Variants in VAMP7 observed in about 807,000 individuals in gnomAD.
VAMP7 encodes the protein vesicle-associated membrane protein 7.
In VAMP7, 14 loss-of-function variants were observed where a neutral mutation model predicts 29.6. That is an observed-to-expected ratio of 0.47 (90% CI 0.31 to 0.74). The LOEUF is 0.74. Among genes scored for constraint, VAMP7 ranks in the 30% least tolerant of loss-of-function variants. The pLI is 0.05. For missense variants in VAMP7, 223 were observed against 262.4 expected (o/e 0.85, Z 1.04); for synonymous variants, 95 against 88.1 (o/e 1.08, Z -0.44).
chrX:155,898,207 T>C lies in VAMP7; in HGVS notation c.300T>C (p.Tyr100=). The part of the protein sequence containing the change: ...YGSRAQTALP[Y]AMNSEFSSVL... ...CAAGAGCACAGACAGCACTTCCATA[T>C]GCCATGAATAGCGAGTTCTCAAGTG... is the stretch of plus-strand genomic sequence containing the variant. Residue 100 remains tyrosine (Y), a synonymous_variant, in exon 4 of 8, where the codon TAT becomes TAC. Coordinates refer to ENST00000286448, the MANE Select transcript of VAMP7 (RefSeq NM_005638.6). 6.2e-7 allele frequency: 1 copy of C among 1,613,646 alleles called. No homozygotes were observed. The highest frequency in any genetic ancestry group is 1.7e-5 in the Admixed American group (1 of 59,980).
intron 6 of VAMP7, among the ~76,000 whole-genome samples, chrX:155,938,486 G>T (rs1405143421): frequency 1.3e-5 from 2 of 152,126 alleles, no homozygotes; most frequent in Non-Finnish European, 2.9e-5. Flanking sequence ...TGCATCAACT[G>T]TAAGCATACA....
At chrX:155,909,310 G>A (rs2066199411) in intron 5 of VAMP7, among the ~76,000 whole-genome samples, 1 of 152,098 alleles carries the variant, frequency 6.6e-6, no homozygotes, top group South Asian at 2.1e-4. Flanking sequence ...CATTTTGTAA[G>A]TTTGGTGGTG....
At chrX:155,881,825 C>T (rs1420034629) in intron 1 of VAMP7, among the ~76,000 whole-genome samples, 7 of 151,806 alleles carry the variant, frequency 4.6e-5, no homozygotes, top group Non-Finnish European at 1.0e-4. Flanking sequence ...GCTTCACCTT[C>T]TACTTCTGGC....
At chrX:155,933,426 T>A (rs1167583489) in intron 6 of VAMP7, among the ~76,000 whole-genome samples, 1 of 152,202 alleles carries the variant, frequency 6.6e-6, no homozygotes, top group East Asian at 1.9e-4. Context: ...CCTGGTTTAG[T>A]CTTGGGAGGG....
chrX:155,919,924 G>A (rs1569446240), intron 6 of VAMP7, 44 bp downstream of exon 6: 1 of 1,440,804 alleles, frequency 6.9e-7, no homozygotes, highest in Non-Finnish European at 9.7e-7. Context: ...GTAAAGTGGA[G>A]AAACTATGGA....
chrX:155,897,612 T>G (rs1379688773), intron 3 of VAMP7, among the ~76,000 whole-genome samples: 2 of 152,254 alleles, frequency 1.3e-5, no homozygotes, highest in South Asian at 2.1e-4. Context: ...ACACACATAC[T>G]TTTTGGCTGG....
chrX:155,904,168 A>G (rs982287828), intron 5 of VAMP7, among the ~76,000 whole-genome samples: 239 of 136,480 alleles, frequency 1.8e-3, no homozygotes, highest in Non-Finnish European at 2.6e-3. Flanking sequence ...GAACACATGG[A>G]CACAGGAAGG....
At chrX:155,938,541 A>G (rs1212232705) in intron 6 of VAMP7, among the ~76,000 whole-genome samples, 1 of 152,234 alleles carries the variant, frequency 6.6e-6, no homozygotes, top group Non-Finnish European at 1.5e-5. Flanking sequence ...TAGAACCAAC[A>G]CCCAGATTAA....
intron 2 of VAMP7, 70 bp from the exon 3 acceptor site, chrX:155,895,553 T>A: frequency 8.5e-7 from 1 of 1,178,492 alleles, no homozygotes; most frequent in Non-Finnish European, 1.3e-6. Flanking sequence ...TGCTTATACA[T>A]AGATAGAAGA....
intron 1 of VAMP7, among the ~76,000 whole-genome samples, chrX:155,886,522 G>T (rs2065867534): frequency 6.6e-6 from 1 of 152,116 alleles, no homozygotes; most frequent in African/African-American, 2.4e-5. Context: ...TGTGCTCCCT[G>T]TTCCAGGTGA....
intron 1 of VAMP7, among the ~76,000 whole-genome samples, chrX:155,884,417 G>C (rs1025222378): frequency 6.6e-6 from 1 of 152,192 alleles, no homozygotes; most frequent in Non-Finnish European, 1.5e-5. Flanking sequence ...ATGAACCACT[G>C]CGCCCAGCCA....
intron 5 of VAMP7, among the ~76,000 whole-genome samples, chrX:155,902,781 T>C (rs2066085031): frequency 6.7e-6 from 1 of 149,774 alleles, no homozygotes; most frequent in African/African-American, 2.4e-5. Flanking sequence ...CAGTATTTTA[T>C]TGAGGATTTT....
In VAMP7 at chrX:155,889,588, A is replaced by G; in HGVS notation, c.122A>G (p.Asn41Ser). The change falls in exon 2 of 8, where the codon AAC (asparagine) becomes AGC (serine). Residue 41 changes from asparagine to serine, a missense_variant. By Grantham distance (46) the Asn-to-Ser change is conservative. Transcript: ENST00000286448. ...CTGGCTAAGATACCTTCTGAAAATAACAAACTAACGTACTCACATGGCAAG... is the reference window on the plus strand; with the variant it reads ...CTGGCTAAGATACCTTCTGAAAATAGCAAACTAACGTACTCACATGGCAAG... ...QILAKIPSEN[N>S]KLTYSHGNYL... 1 of 1,613,958 alleles carries G rather than the reference A, an allele frequency of 6.2e-7. No homozygotes were observed. The highest frequency in any genetic ancestry group is 8.5e-7 in the Non-Finnish European group (1 of 1,179,864).
At chrX:155,904,510 A>C (rs935169272) in intron 5 of VAMP7, among the ~76,000 whole-genome samples, 1 of 152,256 alleles carries the variant, frequency 6.6e-6, no homozygotes. Flanking sequence ...CTATATTCAC[A>C]GAATTGTACA....
chrX:155,900,108 G>A (rs1296891292), intron 4 of VAMP7, among the ~76,000 whole-genome samples: 1 of 151,952 alleles, frequency 6.6e-6, no homozygotes, highest in Non-Finnish European at 1.5e-5. Context: ...AAGAAGTGGG[G>A]AACAATTTTG....
chrX:155,911,699 A>G (rs1199689923), intron 5 of VAMP7, among the ~76,000 whole-genome samples: 1 of 152,036 alleles, frequency 6.6e-6, no homozygotes, highest in Non-Finnish European at 1.5e-5. Flanking sequence ...AATATTTTAT[A>G]TGTTCATAAC....
intron 2 of VAMP7, among the ~76,000 whole-genome samples, chrX:155,893,586 G>C (rs1230047938): frequency 6.6e-6 from 1 of 152,120 alleles, no homozygotes; most frequent in African/African-American, 2.4e-5. Context: ...TGAGGTGCCC[G>C]CTAATTCAGT....
rs747514814 is a variant in VAMP7, at chrX:155,903,407, A to G, written c.433+2820A>G. ...GCACAGCAAAAGAAACTACTATCAG[A>G]GTGAACAGACAACCTACAAAATAGG... On this transcript the variant is annotated intron_variant, in intron 5 of 7. Transcript: ENST00000286448. Among the ~76,000 whole-genome samples, 283 of 152,332 alleles carry G rather than the reference A, an allele frequency of 1.9e-3. 1 individual carries two copies. The highest frequency in any genetic ancestry group is 3.5e-3 in the Non-Finnish European group (241 of 68,030).
chrX:155,903,036 A>G (rs908310926), intron 5 of VAMP7, among the ~76,000 whole-genome samples: 197 of 151,854 alleles, frequency 1.3e-3, no homozygotes, highest in African/African-American at 4.6e-3. Flanking sequence ...GATTATTGCC[A>G]CAATTTCAGA....
Sources: allele counts gnomAD v4.1 joint callset (sites outside exome capture counted in the v4.1 genomes callset), GRCh38; gene constraint gnomAD v4.1.1; transcripts MANE v1.5; gene names NCBI Gene and HGNC (gene_info 2026-07-23, HGNC 2026-07-21).